Variants in DIAPH2 observed in about 807,000 individuals in gnomAD.
DIAPH2 encodes the protein diaphanous related formin 2.
A neutral mutation model predicts 92.7 loss-of-function variants in DIAPH2; 35 were observed. The observed-to-expected ratio is 0.38, with a 90% CI of 0.29 to 0.50. The LOEUF is 0.50. DIAPH2 is among the 20% of genes least tolerant of loss of function. The pLI, the probability that DIAPH2 is intolerant of heterozygous loss-of-function variation, is 0.94. For synonymous variants in DIAPH2, 301 were observed against 280.4 expected (o/e 1.07, Z -0.73); for missense variants, 701 against 819.5 (o/e 0.86, Z 1.77).
chrX:96,884,423 G>A (rs1197473040), intron 5 of DIAPH2: 6 of 1,210,854 alleles, frequency 5.0e-6, no homozygotes, highest in Non-Finnish European at 6.7e-6. Flanking sequence ...AAGACCCAAA[G>A]ACCTAAGGTC....
intron 25 of DIAPH2, among the ~76,000 whole-genome samples, chrX:97,387,344 G>A (rs1332793698): frequency 1.8e-5 from 2 of 112,434 alleles, no homozygotes; most frequent in African/African-American, 3.2e-5. Flanking sequence ...AACAGAACTA[G>A]TAAGATGTGT....
chrX:97,263,830 G>A (rs1002267755), intron 23 of DIAPH2, among the ~76,000 whole-genome samples: 1 of 109,882 alleles, frequency 9.1e-6, no homozygotes, highest in Non-Finnish European at 1.9e-5. Flanking sequence ...CAGGTAATCC[G>A]CCCACCTAGG....
chrX:97,493,966 C>T (rs1224100819), intron 26 of DIAPH2, among the ~76,000 whole-genome samples: 2 of 108,309 alleles, frequency 1.8e-5, no homozygotes, highest in African/African-American at 6.7e-5. Context: ...CCTGTAATCC[C>T]AGCACTTTGG....
chrX:97,066,030 T>A (rs1569292830), intron 17 of DIAPH2, among the ~76,000 whole-genome samples: 1 of 111,527 alleles, frequency 9.0e-6, no homozygotes, highest in Middle Eastern at 4.6e-3. Flanking sequence ...GTCAAAAGTT[T>A]AAAAAAAACA....
At chrX:97,535,174 C>G (rs1185042333) in intron 26 of DIAPH2, among the ~76,000 whole-genome samples, 1 of 111,924 alleles carries the variant, frequency 8.9e-6, no homozygotes. Flanking sequence ...AAAGTATGGA[C>G]TTCAGTTAAT....
intron 4 of DIAPH2, among the ~76,000 whole-genome samples, chrX:96,820,430 A>T (rs986926324): frequency 1.8e-5 from 2 of 111,763 alleles, no homozygotes; most frequent in African/African-American, 6.5e-5. Flanking sequence ...AGACTGTGCC[A>T]CTGTACTCCA....
chrX:97,535,483 A>G (rs1254664823), intron 26 of DIAPH2, among the ~76,000 whole-genome samples: 1 of 111,483 alleles, frequency 9.0e-6, no homozygotes. Flanking sequence ...ACAGAGTCTC[A>G]CTCTATCGCC....
intron 4 of DIAPH2, among the ~76,000 whole-genome samples, chrX:96,829,574 A>G (rs1230477821): frequency 9.1e-6 from 1 of 110,208 alleles, no homozygotes; most frequent in Non-Finnish European, 1.9e-5. Context: ...GCTCACTGCA[A>G]CCTTCACCTC....
intron 22 of DIAPH2, among the ~76,000 whole-genome samples, chrX:97,160,146 G>A (rs1252962525): frequency 1.8e-5 from 2 of 111,253 alleles, no homozygotes; most frequent in Non-Finnish European, 3.8e-5. Context: ...ATCAGTGGGG[G>A]CAGGGAGGAT....
chrX:97,203,641 A>G (rs2067771538), intron 22 of DIAPH2, among the ~76,000 whole-genome samples: 1 of 111,890 alleles, frequency 8.9e-6, no homozygotes. Flanking sequence ...GAATCCCTGA[A>G]TAGACCAATA....
chrX:97,105,460 C>T (rs2066933812), intron 20 of DIAPH2, among the ~76,000 whole-genome samples: 2 of 111,760 alleles, frequency 1.8e-5, no homozygotes, highest in African/African-American at 6.5e-5. Flanking sequence ...CTGACTTGTC[C>T]TCCAACCTAC....
rs1206820620 is a variant in DIAPH2, at chrX:97,472,200, G to T, written c.3241+42455G>T. On this transcript the variant is annotated intron_variant, in intron 26 of 26. Transcript: ENST00000324765. The stretch of plus-strand genomic sequence containing the variant: ...TCAAATCATAGAGTTGAAAATTCAT[G>T]CTGTGCTCTAGGCATTATTGATCCT... Among the ~76,000 whole-genome samples, 4 of 112,241 alleles carry T rather than the reference G, an allele frequency of 3.6e-5. No individual in the cohort carries two copies. In the East Asian group the frequency reaches 1.1e-3, roughly 32 times the overall value.
intron 24 of DIAPH2, among the ~76,000 whole-genome samples, chrX:97,378,382 CAA>C (rs773830308): frequency 4.0e-5 from 3 of 74,995 alleles, no homozygotes; most frequent in Admixed American, 1.6e-4. Context: ...GACTCCGTCT[CAA>C]AAAAAAAAAA....
At chrX:97,260,987 A>G (rs2068283759) in intron 23 of DIAPH2, among the ~76,000 whole-genome samples, 2 of 112,529 alleles carry the variant, frequency 1.8e-5, no homozygotes, top group African/African-American at 6.4e-5. Context: ...ATGAAATGCA[A>G]CTGCCATGCG....
At position 96,985,666 on chromosome X, in the gene DIAPH2, T is replaced by C. The variant is rs778167732; in HGVS notation, c.2050+20459T>C. Among the ~76,000 whole-genome samples the C allele has an allele frequency of 3.6e-5, 4 of 111,324 alleles. No individual in the cohort carries two copies. The South Asian group carries it at 1.5e-3, about 42-fold the overall frequency. ...TACTGTCTTTCTTTTGATATGTGTA[T>C]TGATCATTATTCCCTACCATCTACC... On this transcript the variant is annotated intron_variant, in intron 17 of 26. Transcript: ENST00000324765.
At position 97,469,384 on chromosome X, in the gene DIAPH2, T is replaced by G. The variant is rs1264416765; in HGVS notation, c.3241+39639T>G. 2.7e-5 allele frequency among the ~76,000 whole-genome samples: 3 copies of G among 112,178 alleles called. No individual in the cohort carries two copies. In the Admixed American group the frequency reaches 2.8e-4, roughly 11 times the overall value. On this transcript the variant is annotated intron_variant, in intron 26 of 26. Coordinates refer to ENST00000324765, the MANE Select transcript of DIAPH2 (RefSeq NM_006729.5). ...TAGAAAGTCGCATCTATTCATTAAC[T>G]TACAACTTTCCAAAGAAACAAGCAA...
At chrX:96,836,401 G>A (rs1220795239) in intron 4 of DIAPH2, among the ~76,000 whole-genome samples, 1 of 108,715 alleles carries the variant, frequency 9.2e-6, no homozygotes, top group Non-Finnish European at 1.9e-5. Flanking sequence ...ATAAATGACT[G>A]TACTCAAAGG....
intron 19 of DIAPH2, among the ~76,000 whole-genome samples, chrX:97,086,398 T>A: frequency 9.1e-6 from 1 of 109,825 alleles, no homozygotes; most frequent in African/African-American, 3.3e-5. Flanking sequence ...GAGGTGGGAG[T>A]GGGGATTGGG....
intron 26 of DIAPH2, among the ~76,000 whole-genome samples, chrX:97,479,138 A>G (rs1456251609): frequency 9.0e-6 from 1 of 110,940 alleles, no homozygotes; most frequent in African/African-American, 3.3e-5. Flanking sequence ...GAAAGAATGA[A>G]CTGTGCATCA....
Sources: allele counts gnomAD v4.1 joint callset (sites outside exome capture counted in the v4.1 genomes callset), GRCh38; gene constraint gnomAD v4.1.1; transcripts MANE v1.5; gene names NCBI Gene and HGNC (gene_info 2026-07-23, HGNC 2026-07-21).